The following TPM1 variants were observed in gnomAD, a reference collection of about 807,000 sequenced individuals.
The protein encoded by TPM1 is tropomyosin alpha-1 chain.
A neutral mutation model predicts 42.9 loss-of-function variants in TPM1; 24 were observed. The ratio of observed to expected loss-of-function variants is 0.56; its 90% CI spans 0.41 to 0.79. The LOEUF is 0.79. Ranked by LOEUF, TPM1 falls within the 30% of genes least tolerant of loss-of-function variation. The pLI is 0.00. For missense variants in TPM1, 158 were observed against 351.8 expected (o/e 0.45, Z 4.41); for synonymous variants, 136 against 130.1 (o/e 1.05, Z -0.31).
At position 63,055,556 on chromosome 15, in the gene TPM1, A is replaced by G. The variant is rs1342366071; in HGVS notation, c.241-1429A>G. Among the ~76,000 whole-genome samples the G allele has an allele frequency of 2.6e-5, 4 of 152,336 alleles. No individual in the cohort carries two copies. The East Asian group carries it at 7.7e-4, about 29-fold the overall frequency. On this transcript the variant is annotated intron_variant, in intron 2 of 9. Coordinates refer to ENST00000403994, the MANE Select transcript of TPM1 (RefSeq NM_001018005.2). ...TGGTTTTACTCATCTTACTGAGCCC[A>G]TACTCTGTGCAGAGAACTGTGAGTT...
intron 3 of TPM1, among the ~76,000 whole-genome samples, chr15:63,058,454 C>T (rs2035120090): frequency 2.0e-5 from 3 of 152,188 alleles, no homozygotes; most frequent in Admixed American, 2.0e-4. Context: ...CACCTGTAAT[C>T]CCAGCACTTT....
At chr15:63,061,490 C>A in intron 5 of TPM1, 1 of 720,564 alleles carries the variant, frequency 1.4e-6, no homozygotes, top group Admixed American at 2.1e-5. Context: ...AATTATCGCA[C>A]TTCAAAGTTG....
intron 2 of TPM1, among the ~76,000 whole-genome samples, chr15:63,049,725 A>T (rs1484822748): frequency 6.6e-6 from 1 of 152,228 alleles, no homozygotes; most frequent in Non-Finnish European, 1.5e-5. Flanking sequence ...AAGACCTGAA[A>T]TGGTCCTCTT....
At chr15:63,053,070 C>T (rs2034194286) in intron 2 of TPM1, among the ~76,000 whole-genome samples, 3 of 152,198 alleles carry the variant, frequency 2.0e-5, no homozygotes, top group Admixed American at 6.5e-5. Context: ...GCCTGTCCTG[C>T]TCTGAAACCT....
intron 8 of TPM1, chr15:63,063,509 T>A: frequency 3.3e-6 from 1 of 307,452 alleles, no homozygotes; most frequent in Non-Finnish European, 4.8e-6. Context: ...ACCACAGGAG[T>A]AGCTTAAATG....
chr15:63,049,145 A>AATGATAC, intron 2 of TPM1: 1 of 214,250 alleles, frequency 4.7e-6, no homozygotes, highest in South Asian at 4.9e-5. Flanking sequence ...CAAGTGGGAG[A>AATGATAC]GGCACTGTGG....
At chr15:63,044,625 G>A in intron 2 of TPM1, 1 of 272,846 alleles carries the variant, frequency 3.7e-6, no homozygotes, top group Non-Finnish European at 7.0e-6. Context: ...ATGACACAGC[G>A]GTACCTTTAC....
chr15:63,048,889 T>C, intron 2 of TPM1: 1 of 763,522 alleles, frequency 1.3e-6, no homozygotes, highest in South Asian at 1.5e-5. Flanking sequence ...CCTGTTCTCC[T>C]GAGCCTTTGT....
intron 2 of TPM1, among the ~76,000 whole-genome samples, chr15:63,050,361 AAGTGGTATC>A (rs1338500290): frequency 6.6e-6 from 1 of 152,198 alleles, no homozygotes; most frequent in Non-Finnish European, 1.5e-5. Flanking sequence ...TGATGGGTTA[AAGTGGTATC>A]AGTGGTAGAA....
intron 2 of TPM1, among the ~76,000 whole-genome samples, chr15:63,052,423 T>C (rs2034070152): frequency 6.6e-6 from 1 of 152,164 alleles, no homozygotes; most frequent in South Asian, 2.1e-4. Flanking sequence ...CTGGGGAGGC[T>C]GAGGCAGGAG....
intron 7 of TPM1, 117 bp downstream of exon 7, chr15:63,062,394 G>A (rs943805079): frequency 5.3e-6 from 7 of 1,319,192 alleles, no homozygotes. Flanking sequence ...ATATTCAAAG[G>A]TCGCCTTGGA....
rs530234301 is a variant in TPM1, at chr15:63,042,916, G to A, written c.87G>A (p.Lys29=). ...GAGCTGAGCAGGCGGAGGCCGACAAGAAGGCGGCGGAAGACAGGAGCAAGC... is the reference window on the plus strand; with the variant it reads ...GAGCTGAGCAGGCGGAGGCCGACAAAAAGGCGGCGGAAGACAGGAGCAAGC... ...LDRAEQAEAD[K]KAAEDRSKQL... Residue 29 remains lysine (K), a synonymous_variant, in exon 1 of 10, where the codon AAG becomes AAA. Transcript: ENST00000403994. 1.3e-5 allele frequency: 21 copies of A among 1,605,898 alleles called. No individual in the cohort carries two copies. In the African/African-American group the frequency reaches 2.4e-4, roughly 18 times the overall value.
rs759494777 is a variant in TPM1 at position 63,042,808 on chromosome 15, A to T, written c.-22A>T. 1 of 1,602,466 alleles carries T rather than the reference A, an allele frequency of 6.2e-7. No individual in the cohort carries two copies. The highest frequency in any genetic ancestry group is 8.5e-7 in the Non-Finnish European group (1 of 1,170,798). ...GCCCCGCCGCTCCTGCTGCAGCCCC[A>T]GGGCCCCTCGCCGCCGCCACCATGG... On this transcript the variant is annotated 5_prime_UTR_variant, in exon 1 of 10. Transcript: ENST00000403994.
At chr15:63,043,099 G>A (rs2031518974) in intron 1 of TPM1, 156 bp downstream of exon 1, 2 of 675,152 alleles carry the variant, frequency 3.0e-6, no homozygotes, top group Non-Finnish European at 5.3e-6. Flanking sequence ...AGAAGGAAGG[G>A]AAACGCAAGA....
At chr15:63,062,059 G>C (rs1021916939) in intron 6 of TPM1, 156 bp from the exon 7 acceptor site, 1 of 738,976 alleles carries the variant, frequency 1.4e-6, no homozygotes, top group Non-Finnish European at 2.4e-6. Context: ...CAAGAAAGCA[G>C]AGAATGTATT....
At chr15:63,050,127 G>C (rs535687863) in intron 2 of TPM1, among the ~76,000 whole-genome samples, 1 of 152,306 alleles carries the variant, frequency 6.6e-6, no homozygotes, top group African/African-American at 2.4e-5. Context: ...GTACACTGAT[G>C]CTTGGCGCAA....
rs777716347 is a variant in TPM1, at chr15:63,062,586, G to A, written c.713G>A (p.Arg238Gln). The change falls in exon 8 of 10, where the codon CGG (arginine) becomes CAG (glutamine). Residue 238 changes from arginine (R) to glutamine (Q), a missense_variant. Transcript: ENST00000403994. ...LSDKLKEAET[R>Q]AEFAERSVTK... ...AATAAATCATTACAGGCTGAGACTC[G>A]GGCTGAGTTTGCGGAGAGGTCAGTA... 1.2e-6 allele frequency: 2 copies of A among 1,614,158 alleles called. No individual in the cohort carries two copies. Among genetic ancestry groups the A allele is most frequent in the East Asian group, 4.5e-5 (2 of 44,876 alleles).
intron 9 of TPM1, chr15:63,065,166 A>G (rs1212851834): frequency 5.1e-6 from 5 of 985,444 alleles, no homozygotes; most frequent in Non-Finnish European, 1.2e-6. Flanking sequence ...AGGCAGTAAG[A>G]GTTGGAGTAG....
chr15:63,043,750 G>C (rs1312883932), intron 1 of TPM1: 2 of 1,549,538 alleles, frequency 1.3e-6, no homozygotes, highest in Non-Finnish European at 1.7e-6. Context: ...TGCGGGTGTC[G>C]GAGGACGAGC....
Sources: gnomAD v4.1 joint callset for allele counts (sites outside exome capture counted in the v4.1 genomes callset) on GRCh38, gnomAD v4.1.1 for gene constraint, MANE v1.5 for transcripts, NCBI Gene and HGNC (gene_info 2026-07-23, HGNC 2026-07-21) for gene names.